The following PALM2AKAP2 variants were observed in gnomAD, a reference collection of about 807,000 sequenced individuals.
The protein encoded by PALM2AKAP2 is PALM2 and AKAP2 fusion.
Under a neutral mutation model 71.5 loss-of-function variants are expected in PALM2AKAP2, and 37 were observed. That is an observed-to-expected ratio of 0.52 (90% confidence interval 0.40 to 0.68). PALM2AKAP2 has a LOEUF of 0.68. Among genes scored for constraint, PALM2AKAP2 ranks in the 30% least tolerant of loss-of-function variants. The pLI is 0.00. For synonymous variants in PALM2AKAP2, 468 were observed against 478.8 expected (o/e 0.98, Z 0.29); for missense variants, 1,224 against 1,191.8 (o/e 1.03, Z -0.40).
intron 6 of PALM2AKAP2, among the ~76,000 whole-genome samples, chr9:109,966,680 TTTTGGTG>T (rs1207187809): frequency 1.3e-5 from 2 of 152,270 alleles, no homozygotes; most frequent in Non-Finnish European, 1.5e-5. Context: ...TTACGTTATT[TTTTGGTG>T]TTTGAATATT....
At chr9:109,670,640 T>C (rs1451105636) in intron 1 of PALM2AKAP2, among the ~76,000 whole-genome samples, 1 of 152,182 alleles carries the variant, frequency 6.6e-6, no homozygotes, top group Non-Finnish European at 1.5e-5. Context: ...TATTCAGTAA[T>C]GGGACTGCTG....
At chr9:110,004,144 A>T (rs575124803) in intron 6 of PALM2AKAP2, among the ~76,000 whole-genome samples, 1 of 152,248 alleles carries the variant, frequency 6.6e-6, no homozygotes, top group East Asian at 1.9e-4. Context: ...TTACAATTTG[A>T]CATGTTTTCG....
chr9:110,113,178 T>C (rs1588115827), intron 1 of PALM2AKAP2, among the ~76,000 whole-genome samples: 1 of 152,222 alleles, frequency 6.6e-6, no homozygotes, highest in Admixed American at 6.5e-5. Context: ...GCTGTTTCTG[T>C]TTTATCTACA....
At chr9:110,062,863 G>A (rs1037126730) in intron 1 of PALM2AKAP2, among the ~76,000 whole-genome samples, 6 of 152,102 alleles carry the variant, frequency 3.9e-5, no homozygotes. Flanking sequence ...CCCCTCTTTG[G>A]TTCCTAAATA....
intron 3 of PALM2AKAP2, among the ~76,000 whole-genome samples, chr9:109,882,802 C>T: frequency 6.6e-6 from 1 of 151,904 alleles, no homozygotes; most frequent in East Asian, 1.9e-4. Context: ...GCCACTGTGC[C>T]TAGCATTATT....
intron 6 of PALM2AKAP2, among the ~76,000 whole-genome samples, chr9:109,992,138 T>G (rs1832495727): frequency 6.6e-6 from 1 of 152,178 alleles, no homozygotes; most frequent in African/African-American, 2.4e-5. Context: ...GGCTATACTC[T>G]CTCTGAAGGT....
chr9:109,781,801 T>C (rs1461416567), intron 1 of PALM2AKAP2, among the ~76,000 whole-genome samples: 1 of 152,240 alleles, frequency 6.6e-6, no homozygotes, highest in African/African-American at 2.4e-5. Flanking sequence ...TCAGAAAGGT[T>C]GTTTTTTTCT....
chr9:109,800,690 T>C (rs1587920585), intron 1 of PALM2AKAP2, among the ~76,000 whole-genome samples: 1 of 152,376 alleles, frequency 6.6e-6, no homozygotes, highest in South Asian at 2.1e-4. Context: ...CTTAGCTTTA[T>C]CTTTCTCTGT....
At chr9:109,735,198 A>G (rs775842829) in intron 1 of PALM2AKAP2, among the ~76,000 whole-genome samples, 1 of 147,954 alleles carries the variant, frequency 6.8e-6, no homozygotes, top group Non-Finnish European at 1.5e-5. Context: ...TGCCTTGCAT[A>G]CTAGATTCAT....
chr9:109,651,922 T>A (rs965966093), intron 1 of PALM2AKAP2, among the ~76,000 whole-genome samples: 14 of 152,226 alleles, frequency 9.2e-5, no homozygotes, highest in Non-Finnish European at 2.1e-4. Flanking sequence ...GGAACATTCC[T>A]GGTCGAAATT....
chr9:110,059,018 G>C (rs1791121101), intron 1 of PALM2AKAP2, among the ~76,000 whole-genome samples: 1 of 148,418 alleles, frequency 6.7e-6, no homozygotes, highest in Non-Finnish European at 1.5e-5. Flanking sequence ...TGCTGCCTCA[G>C]CCTCCCTAGT....
At chr9:110,100,487 C>T (rs1015385157) in intron 1 of PALM2AKAP2, among the ~76,000 whole-genome samples, 22 of 152,072 alleles carry the variant, frequency 1.4e-4, no homozygotes, top group Non-Finnish European at 2.9e-5. Context: ...TCCCTTCCCC[C>T]ACAAAGGCCT....
chr9:110,120,829 A>G (rs911315177), intron 1 of PALM2AKAP2, among the ~76,000 whole-genome samples: 2 of 152,236 alleles, frequency 1.3e-5, no homozygotes, highest in Non-Finnish European at 2.9e-5. Context: ...TTGATCAGCA[A>G]TATTGGAGAC....
chr9:110,002,925 C>T (rs1832707062), intron 6 of PALM2AKAP2, among the ~76,000 whole-genome samples: 1 of 151,950 alleles, frequency 6.6e-6, no homozygotes, highest in Non-Finnish European at 1.5e-5. Flanking sequence ...TCTCTCTTTT[C>T]TTCTTTATTA....
intron 3 of PALM2AKAP2, 53 bp from the exon 11 acceptor site, chr9:110,168,346 G>A (rs934844251): frequency 6.3e-7 from 1 of 1,586,846 alleles, no homozygotes; most frequent in African/African-American, 1.4e-5. Flanking sequence ...GTCGGTTTAT[G>A]TTCATAATTA....
intron 6 of PALM2AKAP2, among the ~76,000 whole-genome samples, chr9:110,002,747 G>A (rs1189630928): frequency 6.6e-6 from 1 of 152,032 alleles, no homozygotes; most frequent in Non-Finnish European, 1.5e-5. Context: ...ACTTCTTCCT[G>A]GTTTAGTCTT....
chr9:109,796,786 A>G (rs1827267979), intron 1 of PALM2AKAP2, among the ~76,000 whole-genome samples: 1 of 152,192 alleles, frequency 6.6e-6, no homozygotes, highest in African/African-American at 2.4e-5. Flanking sequence ...GCATGGGAGA[A>G]ACTGCCCCCA....
chr9:109,793,470 C>T (rs977913178), intron 1 of PALM2AKAP2, among the ~76,000 whole-genome samples: 1 of 152,224 alleles, frequency 6.6e-6, no homozygotes, highest in Non-Finnish European at 1.5e-5. Flanking sequence ...ACACAGTGAT[C>T]ACAACCAGAT....
At chr9:109,878,767 C>T (rs773401351) in intron 2 of PALM2AKAP2, among the ~76,000 whole-genome samples, 6 of 152,108 alleles carry the variant, frequency 3.9e-5, no homozygotes, top group Non-Finnish European at 5.9e-5. Flanking sequence ...GACGGAGTTT[C>T]GCTCTTGTTG....
Sources: allele counts gnomAD v4.1 joint callset (sites outside exome capture counted in the v4.1 genomes callset), GRCh38; gene constraint gnomAD v4.1.1; transcripts MANE v1.5; gene names NCBI Gene and HGNC (gene_info 2026-07-23, HGNC 2026-07-21).